The following BRWD3 variants were observed in gnomAD, a reference collection of about 807,000 sequenced individuals.
BRWD3 encodes the protein bromodomain and WD repeat-containing protein 3.
In BRWD3, 10 loss-of-function variants were observed where a neutral mutation model predicts 149.7. The ratio of observed to expected loss-of-function variants is 0.07; its 90% CI spans 0.04 to 0.11. The LOEUF is 0.11. Among genes scored for constraint, BRWD3 ranks in the 10% least tolerant of loss-of-function variants. The pLI is 1.00. For missense variants in BRWD3, 940 were observed against 1,373.2 expected (o/e 0.68, Z 4.99); for synonymous variants, 504 against 456.7 (o/e 1.10, Z -1.32).
chrX:80,794,834 C>A (rs927386255), intron 4 of BRWD3, among the ~76,000 whole-genome samples: 1 of 111,242 alleles, frequency 9.0e-6, no homozygotes, highest in Non-Finnish European at 1.9e-5. Flanking sequence ...CTCTCTATTA[C>A]TTGATTCATT....
intron 6 of BRWD3, among the ~76,000 whole-genome samples, chrX:80,775,876 T>G (rs2073995846): frequency 1.8e-5 from 2 of 112,223 alleles, no homozygotes; most frequent in African/African-American, 3.2e-5. Context: ...TATAAAGTAT[T>G]CACAGACATC....
chrX:80,678,480 A>G (rs747279768), intron 40 of BRWD3, among the ~76,000 whole-genome samples: 5 of 111,791 alleles, frequency 4.5e-5, no homozygotes, highest in Admixed American at 3.8e-4. Context: ...TTTAAAAAAA[A>G]GAAATAAAGA....
Position 80,720,882 on chromosome X carries a change from A to ATTTT in BRWD3, c.1877-1227_1877-1226insAAAA, listed in dbSNP as rs1172406927. 4.1e-3 allele frequency among the ~76,000 whole-genome samples: 458 copies of ATTTT among 112,056 alleles called. 2 individuals carry two copies. Among genetic ancestry groups the ATTTT allele is most frequent in the Non-Finnish European group, 7.4e-3 (392 of 53,136 alleles). ...ATGCTTAGATATACAAATATGTACC[A>ATTTT]TTGTATGTATAACTGTCTATGGTAT... On this transcript the variant is annotated intron_variant, in intron 17 of 40. Coordinates refer to ENST00000373275, the MANE Select transcript of BRWD3 (RefSeq NM_153252.5).
At chrX:80,682,295 C>A (rs1051551635) in intron 38 of BRWD3, among the ~76,000 whole-genome samples, 170 bp downstream of exon 38, 1 of 111,013 alleles carries the variant, frequency 9.0e-6, no homozygotes, top group Non-Finnish European at 1.9e-5. Flanking sequence ...ATAGTAAAAC[C>A]CACATAAATA....
intron 6 of BRWD3, among the ~76,000 whole-genome samples, chrX:80,757,581 T>A (rs2073756978): frequency 1.8e-5 from 2 of 112,340 alleles, no homozygotes; most frequent in South Asian, 3.6e-4. Flanking sequence ...AAATATAGAT[T>A]TGAATACAAT....
chrX:80,794,074 A>G (rs1377601764), intron 4 of BRWD3, among the ~76,000 whole-genome samples: 1 of 111,686 alleles, frequency 9.0e-6, no homozygotes, highest in Non-Finnish European at 1.9e-5. Flanking sequence ...GTTACTCAGG[A>G]GGCTGAGGCA....
At chrX:80,679,561 T>C (rs1263466828) in intron 40 of BRWD3, among the ~76,000 whole-genome samples, 1 of 111,934 alleles carries the variant, frequency 8.9e-6, no homozygotes, top group African/African-American at 3.2e-5. Flanking sequence ...TAGAATCCTT[T>C]ATTTGTGGAA....
intron 6 of BRWD3, among the ~76,000 whole-genome samples, chrX:80,755,029 C>T (rs2073721537): frequency 9.0e-6 from 1 of 110,884 alleles, no homozygotes; most frequent in East Asian, 2.8e-4. Flanking sequence ...AAAAGGAATA[C>T]TGAATTTTAA....
intron 30 of BRWD3, among the ~76,000 whole-genome samples, chrX:80,691,499 A>G (rs1294955577): frequency 1.8e-5 from 2 of 111,451 alleles, no homozygotes; most frequent in African/African-American, 6.5e-5. Flanking sequence ...GGTAAAATAC[A>G]TTACTCATCC....
At chrX:80,768,854 C>T (rs2073898462) in intron 6 of BRWD3, among the ~76,000 whole-genome samples, 1 of 108,223 alleles carries the variant, frequency 9.2e-6, no homozygotes, top group Non-Finnish European at 1.9e-5. Flanking sequence ...TGCAGAGACA[C>T]ACATAGGCTC....
Position 80,691,183 on chromosome X carries a change from T to A in BRWD3, c.3482-10A>T. 8.3e-7 allele frequency: 1 copy of A among 1,204,000 alleles called. No homozygotes were observed. Among genetic ancestry groups the A allele is most frequent in the Non-Finnish European group, 1.1e-6 (1 of 889,521 alleles). On this transcript the variant is annotated splice_polypyrimidine_tract_variant and intron_variant, in intron 30 of 40. Coordinates refer to ENST00000373275, the MANE Select transcript of BRWD3 (RefSeq NM_153252.5). ...AAAGGGCTGGCAAAATCTACAAAAT[T>A]ATGAAAATCAAATAAGGTAGCTATA...
At chrX:80,691,774 T>C in intron 30 of BRWD3, 49 bp downstream of exon 30, 1 of 1,201,242 alleles carries the variant, frequency 8.3e-7, no homozygotes, top group Non-Finnish European at 1.1e-6. Context: ...TTCTGCTGAT[T>C]TTCCTAGCTC....
rs769687149 is a variant in BRWD3 at position 80,717,776 on chromosome X, G to A, written c.2045-17C>T. The stretch of plus-strand genomic sequence containing the variant: ...TTCTCAGAGCTAAAACAAAAACAAG[G>A]AAAATTATCACTTTGTGAGCAAAGG... On this transcript the variant is annotated splice_polypyrimidine_tract_variant and intron_variant, in intron 18 of 40. Coordinates refer to ENST00000373275, the MANE Select transcript of BRWD3 (RefSeq NM_153252.5). The A allele has an allele frequency of 2.5e-6, 3 of 1,201,048 alleles. No homozygotes were observed. Among genetic ancestry groups the A allele is most frequent in the South Asian group, 3.5e-5 (2 of 56,668 alleles).
chrX:80,714,754 G>C (rs2073051392), intron 20 of BRWD3, among the ~76,000 whole-genome samples: 1 of 111,704 alleles, frequency 9.0e-6, no homozygotes, highest in Non-Finnish European at 1.9e-5. Context: ...AAGGCACATA[G>C]ACGCACACAA....
intron 6 of BRWD3, among the ~76,000 whole-genome samples, chrX:80,784,742 G>A (rs1265785047): frequency 8.9e-6 from 1 of 112,275 alleles, no homozygotes; most frequent in Non-Finnish European, 1.9e-5. Context: ...TGGCTGCATA[G>A]TATTCCATGG....
At chrX:80,765,321 T>C (rs997435103) in intron 6 of BRWD3, among the ~76,000 whole-genome samples, 3 of 111,633 alleles carry the variant, frequency 2.7e-5, no homozygotes, top group African/African-American at 9.8e-5. Flanking sequence ...TACTCCACAA[T>C]AGAGGTAAGA....
intron 4 of BRWD3, among the ~76,000 whole-genome samples, chrX:80,794,398 G>A (rs1467559053): frequency 1.9e-5 from 2 of 108,028 alleles, no homozygotes; most frequent in Non-Finnish European, 3.8e-5. Flanking sequence ...TCAGCTATTC[G>A]GGAGGCTGAG....
intron 6 of BRWD3, among the ~76,000 whole-genome samples, chrX:80,770,415 G>C (rs1459567025): frequency 9.0e-6 from 1 of 111,677 alleles, no homozygotes; most frequent in East Asian, 2.8e-4. Flanking sequence ...AATAAAGTTG[G>C]CTTTATCCCT....
intron 6 of BRWD3, among the ~76,000 whole-genome samples, chrX:80,787,921 A>G (rs1352719132): frequency 9.3e-6 from 1 of 107,799 alleles, no homozygotes; most frequent in Non-Finnish European, 1.9e-5. Flanking sequence ...TGTCTCTACT[A>G]AAAATACAAA....
Sources: gnomAD v4.1 joint callset for allele counts (sites outside exome capture counted in the v4.1 genomes callset) on GRCh38, gnomAD v4.1.1 for gene constraint, MANE v1.5 for transcripts, NCBI Gene and HGNC (gene_info 2026-07-23, HGNC 2026-07-21) for gene names.